The following CASS4 variants were observed in gnomAD, a reference collection of about 807,000 sequenced individuals.
CASS4 encodes the protein cas scaffolding protein family member 4.
Under a neutral mutation model 54.2 loss-of-function variants are expected in CASS4, and 22 were observed. The ratio of observed to expected loss-of-function variants is 0.41; its 90% CI spans 0.29 to 0.58. The LOEUF (loss-of-function observed/expected upper bound fraction) is 0.58, where lower values mean the gene tolerates loss of function less well. CASS4 is among the 20% of genes least tolerant of loss of function. CASS4 has a pLI of 0.36. For missense variants in CASS4, 854 were observed against 986.7 expected, an observed-to-expected ratio of 0.87 and a Z score of 1.80; for synonymous variants, 409 against 391.5, an observed-to-expected ratio of 1.04 and a Z score of -0.53.
intron 1 of CASS4, among the ~76,000 whole-genome samples, chr20:56,429,452 C>T (rs1338366945): frequency 6.6e-6 from 1 of 152,190 alleles, no homozygotes; most frequent in East Asian, 1.9e-4. Flanking sequence ...TGAATCGCCT[C>T]TCTGGCTTCC....
intron 5 of CASS4, 144 bp from the exon 6 acceptor site, chr20:56,458,196 G>A (rs1981391021): frequency 3.2e-6 from 2 of 624,236 alleles, no homozygotes; most frequent in Non-Finnish European, 5.5e-6. Flanking sequence ...TTAGACAACT[G>A]TTGCAGTATT....
chr20:56,412,291 T>A lies in CASS4; in HGVS notation c.-168T>A. 1 of 716,354 alleles carries A rather than the reference T, an allele frequency of 1.4e-6. No homozygotes were observed. Among genetic ancestry groups the A allele is most frequent in the Non-Finnish European group, 2.4e-6 (1 of 421,226 alleles). The allele number at this position is 716,354 out of a possible 1,614,324, so 44.4% of individuals were successfully genotyped here. ...ACTCTTATCGTGCTTTCCAGAAAGT[T>A]TGCCTGCTGGGAGAGTCTTTTTGAT... On this transcript the variant is annotated 5_prime_UTR_variant, in exon 1 of 6. The change creates a new upstream start codon in the 5' untranslated region. Transcript: ENST00000679887. This position sits in a 1 kb window ranked among gnomAD's most constrained non-coding sequence, Gnocchi z 4.2.
At chr20:56,455,345 A>G (rs1219063338) in intron 5 of CASS4, among the ~76,000 whole-genome samples, 1 of 152,204 alleles carries the variant, frequency 6.6e-6, no homozygotes, top group East Asian at 1.9e-4. Context: ...AAGGTTGTAA[A>G]GGTTGTCTCT....
At chr20:56,433,010 A>G (rs115368655) in intron 1 of CASS4, among the ~76,000 whole-genome samples, 4 of 152,178 alleles carry the variant, frequency 2.6e-5, no homozygotes, top group Non-Finnish European at 4.4e-5. Context: ...GCGTTATGTC[A>G]CGCCTCTCTT....
At chr20:56,417,076 C>A (rs145531692) in intron 1 of CASS4, among the ~76,000 whole-genome samples, 36 of 152,282 alleles carry the variant, frequency 2.4e-4, no homozygotes, top group African/African-American at 8.4e-4. Flanking sequence ...GGTTTAAACA[C>A]GACAAAATGT....
chr20:56,420,276 G>C (rs1260550647), intron 1 of CASS4, among the ~76,000 whole-genome samples: 3 of 152,152 alleles, frequency 2.0e-5, no homozygotes, highest in African/African-American at 4.8e-5. Context: ...TCTTTTGTGG[G>C]GTTAGGGAGG....
chr20:56,458,372 TCAACAGA>T lies in CASS4; in HGVS notation c.1988_1994del (p.Gln663LeufsTer83), dbSNP rs1981404013. 1 of 1,612,970 alleles carries T rather than the reference TCAACAGA, an allele frequency of 6.2e-7. No homozygotes were observed. The highest frequency in any genetic ancestry group is 8.5e-7 in the Non-Finnish European group (1 of 1,179,278). On this transcript the variant is annotated frameshift_variant, in exon 6 of 6. Transcript: ENST00000679887. LOFTEE classifies it high-confidence loss of function. ...GCCCTCTTATACCTCAGCCTTCGAG[TCAACAGA>T]CTCCTGAGAGGAAACCCCGCTTATC...
rs1291740948 is a variant in CASS4 at position 56,437,632 on chromosome 20, A to G, written c.459+46A>G. Reference sequence around the variant, plus strand: ...TAGACATGGGTTGAGGGGTATGGAAACACCCAGAGGCCTAACTACCTCTTG... The same window carrying G: ...TAGACATGGGTTGAGGGGTATGGAAGCACCCAGAGGCCTAACTACCTCTTG... On this transcript the variant is annotated intron_variant, in intron 2 of 5. Transcript: ENST00000679887. This position sits in a 1 kb window ranked among gnomAD's most constrained non-coding sequence, Gnocchi z 4.7. 2.0e-6 allele frequency: 3 copies of G among 1,477,632 alleles called. No individual in the cohort carries two copies. The highest frequency in any genetic ancestry group is 2.7e-6 in the Non-Finnish European group (3 of 1,104,084). The allele number at this position is 1,477,632 out of a possible 1,614,324, so 91.5% of individuals were successfully genotyped here. A position where few individuals can be genotyped will look rare whatever the true frequency, so the allele number is the denominator to read the frequency against.
At chr20:56,435,091 T>C (rs1203513282) in intron 1 of CASS4, among the ~76,000 whole-genome samples, 3 of 152,240 alleles carry the variant, frequency 2.0e-5, no homozygotes, top group African/African-American at 7.2e-5. Flanking sequence ...GTTCAATGTC[T>C]TTCTGGGTGC....
At chr20:56,455,723 AG>A (rs1320568263) in intron 5 of CASS4, among the ~76,000 whole-genome samples, 1 of 152,156 alleles carries the variant, frequency 6.6e-6, no homozygotes, top group African/African-American at 2.4e-5. Context: ...TGAGGTCAGG[AG>A]TTTGAGACCA....
chr20:56,422,677 A>G (rs1337912569), intron 1 of CASS4, among the ~76,000 whole-genome samples: 1 of 152,112 alleles, frequency 6.6e-6, no homozygotes, highest in East Asian at 1.9e-4. Context: ...AGTTCCTTTA[A>G]TGTGTGGCTT....
chr20:56,446,888 G>A (rs1460831852), intron 3 of CASS4, among the ~76,000 whole-genome samples: 1 of 152,120 alleles, frequency 6.6e-6, no homozygotes, highest in Non-Finnish European at 1.5e-5. Flanking sequence ...AGCAGGCTCT[G>A]TGACTTCCTG....
In CASS4 at chr20:56,450,661, C is replaced by G. The variant is rs1004096116; in HGVS notation, c.624C>G (p.Pro208=). 7 of 1,614,082 alleles carry G rather than the reference C, an allele frequency of 4.3e-6. No homozygotes were observed. The highest frequency in any genetic ancestry group is 5.9e-6 in the Non-Finnish European group (7 of 1,179,974). The change falls in exon 4 of 6, where the codon CCC becomes CCG. Residue 208 remains proline, a synonymous_variant. Transcript: ENST00000679887. Reference sequence around the variant, plus strand: ...GCCCCAAGAAGGCAGGACTCCATCCCCCAGACAGCCAAGCAAGTGTAAGTA... The same window carrying G: ...GCCCCAAGAAGGCAGGACTCCATCCGCCAGACAGCCAAGCAAGTGTAAGTA... ...PASPKKAGLH[P]PDSQASGQGV...
At chr20:56,456,490 C>T (rs897246326) in intron 5 of CASS4, among the ~76,000 whole-genome samples, 2 of 152,042 alleles carry the variant, frequency 1.3e-5, no homozygotes, top group African/African-American at 4.8e-5. Flanking sequence ...TCTCCTGCCT[C>T]AGCCTCCTGA....
chr20:56,447,576 GCCCCCCACCTCCTA>G (rs1312866067), intron 3 of CASS4, among the ~76,000 whole-genome samples: 1 of 152,170 alleles, frequency 6.6e-6, no homozygotes, highest in East Asian at 1.9e-4. Context: ...TCCTGTAAGT[GCCCCCCACCTCCTA>G]CCCCTCACCT....
Position 56,447,645 on chromosome 20 carries a change from A to C in CASS4, c.561+1644A>C, listed in dbSNP as rs186272732. Among the ~76,000 whole-genome samples the C allele has an allele frequency of 9.9e-5, 15 of 152,200 alleles. No individual in the cohort carries two copies. The East Asian group carries it at 1.5e-3, about 16-fold the overall frequency. On this transcript the variant is annotated intron_variant, in intron 3 of 5. Coordinates refer to ENST00000679887, the MANE Select transcript of CASS4 (RefSeq NM_020356.4). Reference sequence around the variant, plus strand: ...CCTGCAAGTCCCTCCAGGTGGACAAATGCATCTCCTCTGGCTGCTGGCTCC... The same window carrying C: ...CCTGCAAGTCCCTCCAGGTGGACAACTGCATCTCCTCTGGCTGCTGGCTCC...
chr20:56,412,235 T>TG, upstream of CASS4: 1 of 548,848 alleles, frequency 1.8e-6, no homozygotes, highest in Non-Finnish European at 3.2e-6. This position sits in a 1 kb window ranked among gnomAD's most constrained non-coding sequence, Gnocchi z 4.2. Flanking sequence ...CTTGTATTTC[T>TG]GGTCCTCCCC....
chr20:56,423,796 C>T (rs538933563), intron 1 of CASS4, among the ~76,000 whole-genome samples: 6 of 152,268 alleles, frequency 3.9e-5, no homozygotes, highest in Admixed American at 3.3e-4. Flanking sequence ...CCGCACACCT[C>T]GGCGTCCCAA....
In CASS4 at chr20:56,447,235, T is replaced by TA. The variant is rs965746698; in HGVS notation, c.561+1244dup. ...AAAAAAAAAAATCAAAATCAAAAAT[T>TA]AAAAAAAAAAGAAGTCACTTTAGCC... On this transcript the variant is annotated intron_variant, in intron 3 of 5. Coordinates refer to ENST00000679887, the MANE Select transcript of CASS4 (RefSeq NM_020356.4). Among the ~76,000 whole-genome samples, 41 of 147,754 alleles carry TA rather than the reference T, an allele frequency of 2.8e-4. No individual in the cohort carries two copies. In the East Asian group the frequency reaches 6.1e-3, roughly 22 times the overall value.
Sources: gnomAD v4.1 joint callset for allele counts (sites outside exome capture counted in the v4.1 genomes callset) on GRCh38, gnomAD v4.1.1 for gene constraint, Gnocchi (gnomAD v3.1) non-coding constraint, MANE v1.5 for transcripts, NCBI Gene and HGNC (gene_info 2026-07-23, HGNC 2026-07-21) for gene names.